The following SBNO1 variants were observed in gnomAD, a reference collection of about 807,000 sequenced individuals.
SBNO1 encodes the protein protein strawberry notch homolog 1.
In SBNO1, 23 loss-of-function variants were observed where a neutral mutation model predicts 173.6. The observed-to-expected ratio is 0.13, with a 90% confidence interval of 0.10 to 0.19. SBNO1 has a LOEUF of 0.19. Ranked by LOEUF, SBNO1 falls within the 10% of genes least tolerant of loss-of-function variation. SBNO1 has a pLI of 1.00. For synonymous variants in SBNO1, 632 were observed against 571.5 expected (o/e 1.11, Z -1.51); for missense variants, 1,238 against 1,671.2 (o/e 0.74, Z 4.52).
At chr12:123,349,430 T>C (rs1873622360) in intron 2 of SBNO1, among the ~76,000 whole-genome samples, 1 of 152,084 alleles carries the variant, frequency 6.6e-6, no homozygotes, top group South Asian at 2.1e-4. Context: ...TTTCAGAGAA[T>C]GTATATAATG....
rs925559802 is a variant in SBNO1 at position 123,294,341 on chromosome 12, T to TA, written c.*1566dup. 2.0e-5 allele frequency: 3 copies of TA among 152,040 alleles called. No individual in the cohort carries two copies. Among genetic ancestry groups the TA allele is most frequent in the Non-Finnish European group, 4.4e-5 (3 of 68,016 alleles). The allele number at this position is 152,040 out of a possible 1,614,324, so 9.4% of individuals were successfully genotyped here. A position where few individuals can be genotyped will look rare whatever the true frequency, so the allele number is the denominator to read the frequency against. ...CAAGAAGTTTACAAACAATTCAACT[T>TA]AAAAAACATTCAGAAGTACTATCAT... On this transcript the variant is annotated 3_prime_UTR_variant, in exon 32 of 32. Transcript: ENST00000602398.
intron 1 of SBNO1, among the ~76,000 whole-genome samples, chr12:123,362,326 C>G (rs1441843657): frequency 6.9e-6 from 1 of 144,642 alleles, no homozygotes; most frequent in Non-Finnish European, 1.5e-5. Flanking sequence ...ATCCCAGCTA[C>G]TTGGGAGGCT....
At chr12:123,326,498 G>A (rs1296652464) in intron 13 of SBNO1, among the ~76,000 whole-genome samples, 164 bp from the exon 14 acceptor site, 1 of 152,156 alleles carries the variant, frequency 6.6e-6, no homozygotes, top group African/African-American at 2.4e-5. Context: ...TCACACAGTT[G>A]TCTCAAGTTT....
intron 14 of SBNO1, 125 bp from the exon 15 acceptor site, chr12:123,325,724 A>G (rs984358445): frequency 6.9e-6 from 5 of 727,298 alleles, no homozygotes; most frequent in Non-Finnish European, 1.2e-5. Flanking sequence ...TATAAAACAC[A>G]AATTTGTTTT....
At chr12:123,359,877 C>T (rs750578755) in intron 1 of SBNO1, among the ~76,000 whole-genome samples, 3 of 152,094 alleles carry the variant, frequency 2.0e-5, no homozygotes, top group Non-Finnish European at 2.9e-5. Flanking sequence ...AAGACAACTG[C>T]AAAAACTTTA....
At chr12:123,311,602 G>A (rs370389044) in intron 24 of SBNO1, among the ~76,000 whole-genome samples, 2 of 151,682 alleles carry the variant, frequency 1.3e-5, no homozygotes, top group South Asian at 2.1e-4. Flanking sequence ...AGATCCACCC[G>A]GCTCGGCCTC....
At chr12:123,361,361 C>A (rs1316353080) in intron 1 of SBNO1, among the ~76,000 whole-genome samples, 4 of 151,870 alleles carry the variant, frequency 2.6e-5, no homozygotes, top group African/African-American at 9.7e-5. Context: ...ACAGCCTGAT[C>A]AACATGCAGA....
Position 123,346,556 on chromosome 12 carries a change from C to T in SBNO1, c.238-986G>A, listed in dbSNP as rs552225945. Among the ~76,000 whole-genome samples, 40 of 151,956 alleles carry T rather than the reference C, an allele frequency of 2.6e-4. 2 individuals are homozygous for T. In the South Asian group the frequency reaches 7.7e-3, roughly 29 times the overall value. ...GCGGATGCCTATAGTCCCAGCTACT[C>T]GGGAGGCTGAGGCAGGAGAATGGCC... On this transcript the variant is annotated intron_variant, in intron 3 of 31. Coordinates refer to ENST00000602398, the MANE Select transcript of SBNO1 (RefSeq NM_001167856.3).
At position 123,311,644 on chromosome 12, in the gene SBNO1, T is replaced by C. The variant is rs184654418; in HGVS notation, c.3221-515A>G. Among the ~76,000 whole-genome samples, 1,134 of 151,268 alleles carry C rather than the reference T, an allele frequency of 7.5e-3. 11 individuals carry two copies. Among genetic ancestry groups the C allele is most frequent in the African/African-American group, 0.023 (945 of 41,134 alleles). The stretch of plus-strand genomic sequence containing the variant: ...TGCTGAGATTACAGGTGTGAGCCAC[T>C]GCGCCCAGCTGCAAGATTACTGTCA... On this transcript the variant is annotated intron_variant, in intron 24 of 31. Transcript: ENST00000602398.
intron 7 of SBNO1, among the ~76,000 whole-genome samples, chr12:123,333,302 T>C (rs1871437056): frequency 6.6e-6 from 1 of 152,148 alleles, no homozygotes; most frequent in Non-Finnish European, 1.5e-5. Flanking sequence ...CCTCACATCA[T>C]TTTAAAAGCC....
At chr12:123,316,203 G>A (rs775670933) in intron 21 of SBNO1, among the ~76,000 whole-genome samples, 4 of 152,004 alleles carry the variant, frequency 2.6e-5, no homozygotes, top group African/African-American at 7.2e-5. Context: ...CTGAGATTTC[G>A]AGATAAGATA....
Position 123,294,265 on chromosome 12 carries a change from T to C in SBNO1, c.*1643A>G, listed in dbSNP as rs1384162389. The C allele has an allele frequency of 2.0e-5, 3 of 152,170 alleles. No individual in the cohort carries two copies. Among genetic ancestry groups the C allele is most frequent in the Non-Finnish European group, 4.4e-5 (3 of 68,028 alleles). 9.4% of individuals were successfully genotyped at this position (152,170 alleles called of 1,614,324 possible). On this transcript the variant is annotated 3_prime_UTR_variant, in exon 32 of 32. Coordinates refer to ENST00000602398, the MANE Select transcript of SBNO1 (RefSeq NM_001167856.3). ...AGGAGACACAAGAGGATGAACGCCC[T>C]AAGCTTTCAGCCAGGTTTGTCAGTT...
At chr12:123,306,074 ACCCTTGGT>A in intron 28 of SBNO1, among the ~76,000 whole-genome samples, 1 of 152,274 alleles carries the variant, frequency 6.6e-6, no homozygotes, top group African/African-American at 2.4e-5. Context: ...GATATTAAAG[ACCCTTGGT>A]CTCTTACTTT....
rs538810162 is a variant in SBNO1 at position 123,293,186 on chromosome 12, A to T, written c.*2722T>A. On this transcript the variant is annotated 3_prime_UTR_variant, in exon 32 of 32. Transcript: ENST00000602398. ...CTCTGAATTCAGGTGTGGCATTTAG[A>T]TCCTGCAATGAATGGACCTATTTTA... 1 of 152,336 alleles carries T rather than the reference A, an allele frequency of 6.6e-6. No individual in the cohort carries two copies. The highest frequency in any genetic ancestry group is 2.1e-4 in the South Asian group (1 of 4,828). 9.4% of individuals were successfully genotyped at this position (152,336 alleles called of 1,614,324 possible). A position where few individuals can be genotyped will look rare whatever the true frequency, so the allele number is the denominator to read the frequency against.
At position 123,325,481 on chromosome 12, in the gene SBNO1, T is replaced by G. The variant is rs761637424; in HGVS notation, c.1973+21A>C. On this transcript the variant is annotated intron_variant, in intron 15 of 31. Coordinates refer to ENST00000602398, the MANE Select transcript of SBNO1 (RefSeq NM_001167856.3). ...AAGAACTCAAAAAGAAACAAAAACATTAAAAGAACAAAAACATTACTTGGC... is the reference window on the plus strand; with the variant it reads ...AAGAACTCAAAAAGAAACAAAAACAGTAAAAGAACAAAAACATTACTTGGC... The G allele has an allele frequency of 9.7e-6, 15 of 1,547,614 alleles. 1 individual carries two copies. The South Asian group carries it at 1.7e-4, about 17-fold the overall frequency.
chr12:123,304,487 C>T (rs759415956), intron 29 of SBNO1, 95 bp downstream of exon 29: 50 of 922,884 alleles, frequency 5.4e-5, no homozygotes, highest in East Asian at 1.4e-4. Context: ...CTGCCCACCT[C>T]GGCCTCCCAA....
chr12:123,351,654 C>G (rs1382251140), intron 1 of SBNO1, among the ~76,000 whole-genome samples: 1 of 152,026 alleles, frequency 6.6e-6, no homozygotes, highest in Non-Finnish European at 1.5e-5. Flanking sequence ...GATTACTCAA[C>G]AGCAATGTGG....
Position 123,337,665 on chromosome 12 carries a change from G to A in SBNO1, c.652-1174C>T, listed in dbSNP as rs528127343. Among the ~76,000 whole-genome samples, 5 of 152,158 alleles carry A rather than the reference G, an allele frequency of 3.3e-5. No individual in the cohort carries two copies. The East Asian group carries it at 5.8e-4, about 18-fold the overall frequency. On this transcript the variant is annotated intron_variant, in intron 5 of 31. Transcript: ENST00000602398. ...TTATGCTAAAATAAAACTCAATTTC[G>A]GAAATTCGAGACAAAACAGGACTGG...
At chr12:123,307,427 A>G (rs533189593) in intron 28 of SBNO1, among the ~76,000 whole-genome samples, 28 of 152,170 alleles carry the variant, frequency 1.8e-4, no homozygotes, top group Non-Finnish European at 2.6e-4. Context: ...CTACAAAACC[A>G]TACATATCAG....
Sources: allele counts gnomAD v4.1 joint callset (sites outside exome capture counted in the v4.1 genomes callset), GRCh38; gene constraint gnomAD v4.1.1; transcripts MANE v1.5; gene names NCBI Gene and HGNC (gene_info 2026-07-23, HGNC 2026-07-21).